The following MMP26 variants were observed in gnomAD, a reference collection of about 807,000 sequenced individuals.
MMP26 encodes matrix metalloproteinase-26.
In MMP26, 33 loss-of-function variants were observed where a neutral mutation model predicts 31.0. The observed-to-expected ratio is 1.06, with a 90% CI of 0.81 to 1.42. The LOEUF is 1.42. MMP26 is among the 40% of genes most tolerant of loss of function. The pLI is 0.00. For synonymous variants in MMP26, 122 were observed against 114.9 expected, an observed-to-expected ratio of 1.06 and a Z score of -0.40; for missense variants, 347 against 316.1, an observed-to-expected ratio of 1.10 and a Z score of -0.74.
intron 2 of MMP26, chr11:4,914,484 T>G: frequency 2.1e-6 from 1 of 476,566 alleles, no homozygotes; most frequent in Non-Finnish European, 3.7e-6. Context: ...GCATGTGGGT[T>G]TAGAATTATT....
At chr11:4,770,680 T>TA (rs1564905807) in intron 2 of MMP26, among the ~76,000 whole-genome samples, 1 of 151,964 alleles carries the variant, frequency 6.6e-6, no homozygotes, top group Non-Finnish European at 1.5e-5. Context: ...CCGTCTCTAC[T>TA]AAAAATACAA....
At chr11:4,844,188 A>G (rs1356026372) in intron 2 of MMP26, among the ~76,000 whole-genome samples, 1 of 152,168 alleles carries the variant, frequency 6.6e-6, no homozygotes, top group African/African-American at 2.4e-5. Flanking sequence ...AGAAGTTCCT[A>G]GATGCATACA....
intron 2 of MMP26, among the ~76,000 whole-genome samples, chr11:4,888,800 A>G (rs769532384): frequency 1.6e-4 from 24 of 152,206 alleles, no homozygotes; most frequent in Admixed American, 2.0e-4. Flanking sequence ...CATAGCTGAC[A>G]ATAGACTTCT....
At chr11:4,918,000 G>A (rs1051991453) in intron 2 of MMP26, among the ~76,000 whole-genome samples, 1 of 151,312 alleles carries the variant, frequency 6.6e-6, no homozygotes, top group African/African-American at 2.4e-5. Flanking sequence ...GGATGGTGAA[G>A]AAGAAAGAAA....
rs139224816 is a variant in MMP26, at chr11:4,742,230, C to G, written c.-216-25040C>G. 2.2e-3 allele frequency among the ~76,000 whole-genome samples: 336 copies of G among 152,320 alleles called. 2 individuals carry two copies. The highest frequency in any genetic ancestry group is 7.0e-3 in the African/African-American group (290 of 41,564). On this transcript the variant is annotated intron_variant, in intron 1 of 7. Coordinates refer to ENST00000380390, the MANE Select transcript of MMP26 (RefSeq NM_021801.5). ...ATAGGAAATTAAATGTTAATCACAACAAAGTCCCTGACCTCATCATGAGTA... is the reference window on the plus strand; with the variant it reads ...ATAGGAAATTAAATGTTAATCACAAGAAAGTCCCTGACCTCATCATGAGTA...
intron 1 of MMP26, among the ~76,000 whole-genome samples, chr11:4,717,560 C>G (rs1361961660): frequency 6.7e-6 from 1 of 150,262 alleles, no homozygotes; most frequent in Non-Finnish European, 1.5e-5. Flanking sequence ...GATAAAGAGA[C>G]AAGTAGATAC....
chr11:4,969,156 A>G (rs1846634039), intron 2 of MMP26, among the ~76,000 whole-genome samples: 1 of 152,014 alleles, frequency 6.6e-6, no homozygotes, highest in Non-Finnish European at 1.5e-5. Flanking sequence ...CGGTAACAGG[A>G]TTGCAAATTT....
chr11:4,936,225 T>G (rs1203526891), intron 2 of MMP26, among the ~76,000 whole-genome samples: 3 of 150,004 alleles, frequency 2.0e-5, no homozygotes, highest in Non-Finnish European at 4.4e-5. Context: ...TTTTGGTTGG[T>G]AAACTATTGA....
intron 2 of MMP26, chr11:4,860,725 A>T (rs1850141993): frequency 3.2e-6 from 1 of 308,738 alleles, no homozygotes; most frequent in African/African-American, 2.2e-5. Context: ...TATTTGTAAC[A>T]CTGTGTCTTT....
chr11:4,883,860 T>C lies in MMP26; in HGVS notation c.-144-104208T>C, dbSNP rs151216420. Reference sequence around the variant, plus strand: ...CTGGAGATAATTCTTCACATTTTTTTCCACAGTTTTGATAATTTCATCCTA... The same window carrying C: ...CTGGAGATAATTCTTCACATTTTTTCCCACAGTTTTGATAATTTCATCCTA... On this transcript the variant is annotated intron_variant, in intron 2 of 7. Coordinates refer to ENST00000380390, the MANE Select transcript of MMP26 (RefSeq NM_021801.5). 4.7e-3 allele frequency among the ~76,000 whole-genome samples: 721 copies of C among 152,230 alleles called. 3 individuals are homozygous for C. The highest frequency in any genetic ancestry group is 0.017 in the African/African-American group (687 of 41,548).
chr11:4,787,659 G>T (rs1039529713), intron 2 of MMP26: 2 of 152,196 alleles, frequency 1.3e-5, no homozygotes, highest in Non-Finnish European at 2.9e-5. Flanking sequence ...AAACAAATCC[G>T]CAGGGCTATC....
intron 2 of MMP26, chr11:4,821,529 A>G (rs779218929): frequency 1.9e-6 from 3 of 1,611,670 alleles, no homozygotes; most frequent in South Asian, 1.1e-5. Context: ...TTTGTCTCCT[A>G]TATGTTGTTG....
At chr11:4,932,951 A>C (rs1159617735) in intron 2 of MMP26, among the ~76,000 whole-genome samples, 1 of 152,178 alleles carries the variant, frequency 6.6e-6, no homozygotes, top group Admixed American at 6.6e-5. Flanking sequence ...AATCTAAGAC[A>C]AACATTGGCA....
chr11:4,724,627 G>T (rs985789649), intron 1 of MMP26, among the ~76,000 whole-genome samples: 6 of 152,164 alleles, frequency 3.9e-5, no homozygotes, highest in African/African-American at 1.4e-4. Flanking sequence ...CTAAAGATAA[G>T]GTTGCTATGG....
chr11:4,785,410 T>C (rs927444692), intron 2 of MMP26, among the ~76,000 whole-genome samples: 2 of 152,190 alleles, frequency 1.3e-5, no homozygotes, highest in Non-Finnish European at 2.9e-5. Flanking sequence ...AGATAATTAA[T>C]GACTATTCCT....
chr11:4,820,510 C>T (rs1849480220), intron 2 of MMP26, among the ~76,000 whole-genome samples: 1 of 150,886 alleles, frequency 6.6e-6, no homozygotes, highest in Non-Finnish European at 1.5e-5. Context: ...CCCTTTCTTC[C>T]TTCCCTTCTT....
intron 1 of MMP26, among the ~76,000 whole-genome samples, chr11:4,755,804 T>G (rs529707265): frequency 2.0e-5 from 3 of 151,898 alleles, no homozygotes; most frequent in African/African-American, 7.2e-5. Context: ...ACATAGCTTT[T>G]AAGAAAAAAA....
At chr11:4,946,359 C>G in intron 2 of MMP26, 1 of 1,613,706 alleles carries the variant, frequency 6.2e-7, no homozygotes, top group Non-Finnish European at 8.5e-7. Context: ...ATGATCACTG[C>G]ACAGATGTGT....
intron 2 of MMP26, among the ~76,000 whole-genome samples, chr11:4,967,302 T>C (rs1389571968): frequency 6.6e-6 from 1 of 152,148 alleles, no homozygotes; most frequent in Non-Finnish European, 1.5e-5. Flanking sequence ...CACAAAAAAG[T>C]CTGGTCTCAT....
Sources: allele counts gnomAD v4.1 joint callset (sites outside exome capture counted in the v4.1 genomes callset), GRCh38; gene constraint gnomAD v4.1.1; transcripts MANE v1.5; gene names NCBI Gene and HGNC (gene_info 2026-07-23, HGNC 2026-07-21).